The following COL14A1 variants were observed in gnomAD, a reference collection of about 807,000 sequenced individuals.
COL14A1 encodes collagen type XIV alpha 1 chain, also known as collagen alpha-1(XIV) chain.
In COL14A1, 136 loss-of-function variants were observed where a neutral mutation model predicts 230.3. That is an observed-to-expected ratio of 0.59 (90% CI 0.51 to 0.68). The LOEUF (loss-of-function observed/expected upper bound fraction) is 0.68. Among genes scored for constraint, COL14A1 ranks in the 30% least tolerant of loss-of-function variants. COL14A1 has a pLI of 0.00. For synonymous variants in COL14A1, 792 were observed against 784.1 expected, an observed-to-expected ratio of 1.01 and a Z score of -0.17; for missense variants, 1,976 against 2,215.8, an observed-to-expected ratio of 0.89 and a Z score of 2.17.
chr8:120,185,507 A>G (rs1216962071), intron 5 of COL14A1, among the ~76,000 whole-genome samples: 2 of 151,986 alleles, frequency 1.3e-5, no homozygotes, highest in African/African-American at 2.4e-5. Context: ...TTAAAAAACA[A>G]ACAAACAAAC....
intron 45 of COL14A1, among the ~76,000 whole-genome samples, chr8:120,349,535 G>GC (rs1171712799): frequency 1.6e-5 from 2 of 125,890 alleles, no homozygotes; most frequent in African/African-American, 3.5e-5. Flanking sequence ...ACAGAGAAGT[G>GC]CTTAAAGGAG....
At chr8:120,181,041 C>T (rs901317784) in intron 5 of COL14A1, among the ~76,000 whole-genome samples, 2 of 152,120 alleles carry the variant, frequency 1.3e-5, no homozygotes, top group African/African-American at 4.8e-5. Context: ...TTTCAGAAAA[C>T]ATCTCAAGAA....
At chr8:120,246,036 T>C (rs1321062100) in intron 20 of COL14A1, among the ~76,000 whole-genome samples, 1 of 152,200 alleles carries the variant, frequency 6.6e-6, no homozygotes, top group Non-Finnish European at 1.5e-5. Flanking sequence ...AATTACCAAA[T>C]GGTGACATGT....
chr8:120,216,803 T>C (rs1362619624), intron 14 of COL14A1, among the ~76,000 whole-genome samples: 1 of 152,184 alleles, frequency 6.6e-6, no homozygotes, highest in African/African-American at 2.4e-5. Flanking sequence ...TCCATATCTC[T>C]AATTAGACCC....
At chr8:120,162,768 TA>T (rs1805142339) in intron 4 of COL14A1, among the ~76,000 whole-genome samples, 199 bp downstream of exon 4, 1 of 152,210 alleles carries the variant, frequency 6.6e-6, no homozygotes, top group Non-Finnish European at 1.5e-5. Flanking sequence ...CATTTTGCTA[TA>T]TTCTTACTTA....
chr8:120,305,846 C>G (rs1372465395), intron 36 of COL14A1, among the ~76,000 whole-genome samples: 2 of 151,998 alleles, frequency 1.3e-5, no homozygotes, highest in Non-Finnish European at 2.9e-5. Context: ...TAATAGTTAA[C>G]CCAGAAGTTT....
chr8:120,328,404 T>A (rs1055687006), intron 40 of COL14A1, among the ~76,000 whole-genome samples: 11 of 151,634 alleles, frequency 7.3e-5, no homozygotes, highest in South Asian at 6.3e-4. Context: ...TTAATTTTTT[T>A]TTTTTTGGTA....
Position 120,168,183 on chromosome 8 carries a change from G to A in COL14A1, c.372G>A (p.Lys124=). 1.9e-6 allele frequency: 3 copies of A among 1,611,762 alleles called. No individual in the cohort carries two copies. The highest frequency in any genetic ancestry group is 2.5e-6 in the Non-Finnish European group (3 of 1,178,594). ...QFRIKDLEKR[K]DPKPRVKVVD... is the part of the protein sequence containing the mutation. Reference sequence around the variant, plus strand: ...CAGTTAAAGATTTAGAAAAAAGAAAGGATCCAAAGCCCAGAGTCAAAGTTG... The same window carrying A: ...CAGTTAAAGATTTAGAAAAAAGAAAAGATCCAAAGCCCAGAGTCAAAGTTG... Residue 124 remains lysine, a synonymous_variant, in exon 5 of 48, where the codon AAG becomes AAA. Coordinates refer to ENST00000297848, the MANE Select transcript of COL14A1 (RefSeq NM_021110.4).
At chr8:120,242,462 G>T (rs548093563) in intron 19 of COL14A1, among the ~76,000 whole-genome samples, 1 of 152,302 alleles carries the variant, frequency 6.6e-6, no homozygotes, top group East Asian at 1.9e-4. Flanking sequence ...ATCAACATGG[G>T]TGGTTTGTTA....
intron 40 of COL14A1, 143 bp from the exon 41 acceptor site, chr8:120,331,998 A>C (rs1186645994): frequency 1.6e-6 from 1 of 629,700 alleles, no homozygotes; most frequent in Non-Finnish European, 2.8e-6. Flanking sequence ...AATTTCCATG[A>C]AGAGTTTAAA....
chr8:120,272,536 A>G (rs1819700370), intron 26 of COL14A1, among the ~76,000 whole-genome samples: 1 of 151,714 alleles, frequency 6.6e-6, no homozygotes, highest in Admixed American at 6.6e-5. Context: ...AATATCTGCT[A>G]TCTTTAAGAG....
At chr8:120,128,220 T>TGCGCGC (rs141192017) in intron 1 of COL14A1, among the ~76,000 whole-genome samples, 3 of 122,852 alleles carry the variant, frequency 2.4e-5, no homozygotes, top group South Asian at 2.7e-4. Flanking sequence ...TGTGTGTGTG[T>TGCGCGC]GCGCGCGCGT....
intron 40 of COL14A1, among the ~76,000 whole-genome samples, chr8:120,319,921 A>C (rs1230991200): frequency 6.6e-6 from 1 of 152,164 alleles, no homozygotes; most frequent in Non-Finnish European, 1.5e-5. Context: ...AACAGAAAGC[A>C]TTTTCGTCTC....
intron 4 of COL14A1, among the ~76,000 whole-genome samples, chr8:120,166,909 TGTGTGTGTGTGTG>T (rs1235076141): frequency 6.0e-5 from 9 of 149,484 alleles, no homozygotes; most frequent in South Asian, 2.1e-4. Flanking sequence ...TGTGTGTGTG[TGTGTGTGTGTGTG>T]GTGGTGATGA....
At chr8:120,358,859 A>G (rs1452890750) in intron 45 of COL14A1, among the ~76,000 whole-genome samples, 2 of 152,142 alleles carry the variant, frequency 1.3e-5, no homozygotes, top group African/African-American at 4.8e-5. Flanking sequence ...GACTGTAATA[A>G]GTTAATTATC....
At chr8:120,187,932 C>A (rs1011733411) in intron 5 of COL14A1, among the ~76,000 whole-genome samples, 1 of 152,172 alleles carries the variant, frequency 6.6e-6, no homozygotes, top group African/African-American at 2.4e-5. Context: ...CAAATCCCAG[C>A]TTTGCCACTT....
intron 7 of COL14A1, among the ~76,000 whole-genome samples, chr8:120,198,134 G>A (rs888413195): frequency 2.3e-4 from 35 of 152,214 alleles, no homozygotes; most frequent in African/African-American, 8.2e-4. Flanking sequence ...AATGTCCCAG[G>A]AAGGGCTTGG....
chr8:120,127,508 G>C (rs993173342), intron 1 of COL14A1, among the ~76,000 whole-genome samples: 5 of 152,202 alleles, frequency 3.3e-5, no homozygotes, highest in African/African-American at 9.6e-5. Context: ...GAACCGTCCA[G>C]CTGAGGATTT....
At chr8:120,332,316 C>G in intron 41 of COL14A1, 122 bp downstream of exon 41, 1 of 876,460 alleles carries the variant, frequency 1.1e-6, no homozygotes, top group Non-Finnish European at 1.8e-6. Context: ...GACAACTCAT[C>G]CCTTGATAGA....
Sources: allele counts gnomAD v4.1 joint callset (sites outside exome capture counted in the v4.1 genomes callset), GRCh38; gene constraint gnomAD v4.1.1; transcripts MANE v1.5; gene names NCBI Gene and HGNC (gene_info 2026-07-23, HGNC 2026-07-21).